The following ATP8B1 variants were observed in gnomAD, a reference collection of about 807,000 sequenced individuals.
ATP8B1 encodes ATPase phospholipid transporting 8B1, also known as phospholipid-transporting ATPase IC.
Under a neutral mutation model 149.9 loss-of-function variants are expected in ATP8B1, and 80 were observed. The observed-to-expected ratio is 0.53, with a 90% CI of 0.45 to 0.64. ATP8B1 has a LOEUF of 0.64. Ranked by LOEUF, ATP8B1 falls within the 30% of genes least tolerant of loss-of-function variation. ATP8B1 has a pLI of 0.00. For missense variants in ATP8B1, 1,247 were observed against 1,552.6 expected, an observed-to-expected ratio of 0.80 and a Z score of 3.31; for synonymous variants, 536 against 562.8, an observed-to-expected ratio of 0.95 and a Z score of 0.67.
chr18:57,701,357 T>G (rs756207046), intron 4 of ATP8B1, 44 bp from the exon 5 acceptor site: 2 of 1,540,408 alleles, frequency 1.3e-6, no homozygotes, highest in African/African-American at 2.7e-5. Context: ...TGAAGGCATA[T>G]CAAGCTTACA....
At position 57,685,074 on chromosome 18, in the gene ATP8B1, C is replaced by A; in HGVS notation, c.1471G>T (p.Glu491Ter). ...ATTCTTCGGCTTAAAGGTCTTACCTCTATTTTGTTGTGGTTGTGTTGAGAG... is the reference window on the plus strand; with the variant it reads ...ATTCTTCGGCTTAAAGGTCTTACCTATATTTTGTTGTGGTTGTGTTGAGAG... ...DASQHNHNKI[E>*]QVDFSWNTYA... The change falls in exon 14 of 28, where the codon GAG becomes TAG. Residue 491 changes from glutamate to a stop codon, truncating the protein, a stop_gained and splice_region_variant. Coordinates refer to ENST00000648908, the MANE Select transcript of ATP8B1 (RefSeq NM_001374385.1). LOFTEE classifies it high-confidence loss of function. 6.2e-7 allele frequency: 1 copy of A among 1,614,176 alleles called. No individual in the cohort carries two copies. Among genetic ancestry groups the A allele is most frequent in the Non-Finnish European group, 8.5e-7 (1 of 1,180,002 alleles).
chr18:57,727,652 G>A (rs1348143378), intron 2 of ATP8B1, among the ~76,000 whole-genome samples: 1 of 152,078 alleles, frequency 6.6e-6, no homozygotes, highest in Non-Finnish European at 1.5e-5. Context: ...AGCCAGGCGT[G>A]GTAGCATACG....
intron 1 of ATP8B1, among the ~76,000 whole-genome samples, chr18:57,794,716 C>T (rs938485164): frequency 2.0e-5 from 3 of 151,706 alleles, no homozygotes; most frequent in Admixed American, 6.6e-5. Flanking sequence ...ACCTGGGAGG[C>T]GGAGGTTGAG....
chr18:57,655,342 T>C lies in ATP8B1; in HGVS notation c.2783A>G (p.Gln928Arg), dbSNP rs1246041787. 1 of 1,614,214 alleles carries C rather than the reference T, an allele frequency of 6.2e-7. No individual in the cohort carries two copies. The highest frequency in any genetic ancestry group is 8.5e-7 in the Non-Finnish European group (1 of 1,180,040). Residue 928 changes from glutamine to arginine, a missense_variant, in exon 23 of 28, where the codon CAG becomes CGG. Coordinates refer to ENST00000648908, the MANE Select transcript of ATP8B1 (RefSeq NM_001374385.1). The stretch of plus-strand genomic sequence containing the variant: ...CAGTAGCCTCTGCAGATATCGGAAC[T>C]GAGCAAAGGAATAGTCACTCGACAT... ...AVMSSDYSFA[Q>R]FRYLQRLLLV...
chr18:57,680,489 C>T (rs1428262619), intron 15 of ATP8B1, among the ~76,000 whole-genome samples: 1 of 151,116 alleles, frequency 6.6e-6, no homozygotes, highest in East Asian at 2.0e-4. Context: ...GAGGCTGAGG[C>T]AGGAGAATTG....
At chr18:57,733,749 C>T (rs1394811441) in intron 1 of ATP8B1, among the ~76,000 whole-genome samples, 1 of 151,460 alleles carries the variant, frequency 6.6e-6, no homozygotes, top group African/African-American at 2.4e-5. Context: ...AAAACAACTG[C>T]TTCACAAGGA....
chr18:57,692,905 C>T (rs1304655533), intron 11 of ATP8B1, among the ~76,000 whole-genome samples: 1 of 152,100 alleles, frequency 6.6e-6, no homozygotes, highest in Non-Finnish European at 1.5e-5. Context: ...AAAAAGTCAA[C>T]CATCCTAGTG....
chr18:57,708,818 T>C (rs1221457000), intron 2 of ATP8B1, among the ~76,000 whole-genome samples: 1 of 152,188 alleles, frequency 6.6e-6, no homozygotes, highest in African/African-American at 2.4e-5. Context: ...ATAAATTTGC[T>C]TCATAATTAA....
chr18:57,675,981 C>T (rs1300943880), intron 15 of ATP8B1, among the ~76,000 whole-genome samples: 1 of 152,100 alleles, frequency 6.6e-6, no homozygotes, highest in South Asian at 2.1e-4. Flanking sequence ...GTTCGGATTA[C>T]AGGCATGAGC....
At chr18:57,749,964 C>T (rs1321064011) in intron 1 of ATP8B1, among the ~76,000 whole-genome samples, 2 of 152,220 alleles carry the variant, frequency 1.3e-5, no homozygotes, top group East Asian at 1.9e-4. Context: ...GGTTTAGTGC[C>T]GGGTGCAGTG....
chr18:57,724,460 C>A (rs1453204593), intron 2 of ATP8B1, among the ~76,000 whole-genome samples: 1 of 151,988 alleles, frequency 6.6e-6, no homozygotes, highest in Non-Finnish European at 1.5e-5. Flanking sequence ...AGACACTAAT[C>A]AAAAGAAGAC....
rs1403529702 is a variant in ATP8B1, at chr18:57,675,006, C to T, written c.1647G>A (p.Gln549=). 2 of 1,613,982 alleles carry T rather than the reference C, an allele frequency of 1.2e-6. No individual in the cohort carries two copies. Among genetic ancestry groups the T allele is most frequent in the African/African-American group, 2.7e-5 (2 of 74,938 alleles). The stretch of plus-strand genomic sequence containing the variant: ...GGGCACCTTCATCGGGAGAGGCTGC[C>T]TGGTAGTTGAGCTGACCTAACAAGG... ...VDRTDGQLNY[Q]AASPDEGALV... is the part of the protein sequence containing the mutation. The change falls in exon 16 of 28, where the codon CAG becomes CAA. Residue 549 remains glutamine, a synonymous_variant. Transcript: ENST00000648908.
chr18:57,692,625 G>A (rs773240370), intron 11 of ATP8B1, among the ~76,000 whole-genome samples: 8 of 151,782 alleles, frequency 5.3e-5, no homozygotes, highest in African/African-American at 9.7e-5. Context: ...TAGTAGAGAC[G>A]AGTTTCACCA....
intron 1 of ATP8B1, among the ~76,000 whole-genome samples, chr18:57,765,297 GAGA>G (rs895328031): frequency 3.9e-5 from 6 of 152,200 alleles, no homozygotes; most frequent in Non-Finnish European, 5.9e-5. Context: ...GCTTCAGTTG[GAGA>G]AGAACTTCTG....
intron 15 of ATP8B1, 106 bp downstream of exon 15, chr18:57,683,930 G>T: frequency 7.2e-7 from 1 of 1,393,346 alleles, no homozygotes; most frequent in Non-Finnish European, 1.0e-6. Context: ...ATTCTAATAT[G>T]AGACAGATTT....
intron 2 of ATP8B1, among the ~76,000 whole-genome samples, chr18:57,725,367 A>G (rs1001167543): frequency 2.0e-5 from 3 of 152,216 alleles, no homozygotes; most frequent in South Asian, 2.1e-4. Context: ...ATTGATTGCA[A>G]TGATGCAAGA....
intron 14 of ATP8B1, 52 bp from the exon 15 acceptor site, chr18:57,684,244 T>C (rs1912124383): frequency 6.4e-7 from 1 of 1,552,564 alleles, no homozygotes. Context: ...ATTTTTGACT[T>C]AACAAATGAC....
intron 1 of ATP8B1, among the ~76,000 whole-genome samples, chr18:57,732,245 G>A (rs1342708630): frequency 3.6e-5 from 1 of 27,502 alleles, no homozygotes; most frequent in Non-Finnish European, 8.5e-5. Context: ...GTATATATAT[G>A]TATATATGTA....
At chr18:57,730,653 GTC>G (rs1440190845) in intron 2 of ATP8B1, among the ~76,000 whole-genome samples, 1 of 152,170 alleles carries the variant, frequency 6.6e-6, no homozygotes, top group Non-Finnish European at 1.5e-5. Flanking sequence ...GTGATGTACT[GTC>G]TGCGGTCACT....
Sources: gnomAD v4.1 joint callset for allele counts (sites outside exome capture counted in the v4.1 genomes callset) on GRCh38, gnomAD v4.1.1 for gene constraint, MANE v1.5 for transcripts, NCBI Gene and HGNC (gene_info 2026-07-23, HGNC 2026-07-21) for gene names.